PLCB1: variants seen among roughly 807,000 people sequenced by gnomAD.
The protein encoded by PLCB1 is phospholipase C beta 1.
Under a neutral mutation model 161.8 loss-of-function variants are expected in PLCB1, and 46 were observed. The observed-to-expected ratio is 0.28, with a 90% confidence interval of 0.22 to 0.36. The LOEUF (loss-of-function observed/expected upper bound fraction) is 0.36. PLCB1 is among the 10% of genes least tolerant of loss of function. PLCB1 has a pLI of 1.00. For synonymous variants in PLCB1, 517 were observed against 503.7 expected (o/e 1.03, Z -0.35); for missense variants, 1,016 against 1,472.5 (o/e 0.69, Z 5.07).
rs1222471825 is a variant in PLCB1 at position 8,839,391 on chromosome 20, C to T, written c.3424-42231C>T. 2.0e-5 allele frequency among the ~76,000 whole-genome samples: 3 copies of T among 152,160 alleles called. No individual in the cohort carries two copies. The East Asian group carries it at 5.8e-4, about 29-fold the overall frequency. Reference sequence around the variant, plus strand: ...CTCATTTATTTAGTGACCCAAGAAGCTGCTAGTTTTGAGTGGATCCCAGAA... The same window carrying T: ...CTCATTTATTTAGTGACCCAAGAAGTTGCTAGTTTTGAGTGGATCCCAGAA... On this transcript the variant is annotated intron_variant, in intron 31 of 31. Coordinates refer to ENST00000338037, the MANE Select transcript of PLCB1 (RefSeq NM_015192.4).
chr20:8,455,360 A>G lies in PLCB1; in HGVS notation c.246+83910A>G, dbSNP rs182739770. Among the ~76,000 whole-genome samples the G allele has an allele frequency of 2.0e-5, 3 of 150,570 alleles. No individual in the cohort carries two copies. In the East Asian group the frequency reaches 5.8e-4, roughly 29 times the overall value. On this transcript the variant is annotated intron_variant, in intron 3 of 31. Coordinates refer to ENST00000338037, the MANE Select transcript of PLCB1 (RefSeq NM_015192.4). ...AAAAAAAAAATACTGGTCAATTGGA[A>G]GTATCTGGAAGGTAATTGCTATACC...
chr20:8,646,212 G>A (rs41275582), intron 5 of PLCB1, 31 bp downstream of exon 5: 90 of 1,411,166 alleles, frequency 6.4e-5, no homozygotes, highest in Non-Finnish European at 8.2e-5. Context: ...TGCTAAGGGC[G>A]TTGCTTCTTC....
intron 2 of PLCB1, among the ~76,000 whole-genome samples, chr20:8,355,758 T>C (rs1986344357): frequency 6.6e-6 from 1 of 152,174 alleles, no homozygotes; most frequent in South Asian, 2.1e-4. Context: ...AGCACCATTA[T>C]AGTAAGGACT....
At chr20:8,374,958 G>T (rs897043924) in intron 3 of PLCB1, among the ~76,000 whole-genome samples, 1 of 151,966 alleles carries the variant, frequency 6.6e-6, no homozygotes, top group East Asian at 1.9e-4. Flanking sequence ...TGTTTTTTGT[G>T]CCTGCTGTGA....
chr20:8,725,087 A>T (rs1014232335), intron 16 of PLCB1, among the ~76,000 whole-genome samples: 1 of 152,174 alleles, frequency 6.6e-6, no homozygotes, highest in Non-Finnish European at 1.5e-5. Context: ...ACACACAGTG[A>T]GATCCATCTG....
chr20:8,810,492 C>T (rs777401993), intron 31 of PLCB1, among the ~76,000 whole-genome samples: 3 of 152,178 alleles, frequency 2.0e-5, no homozygotes, highest in South Asian at 4.1e-4. Flanking sequence ...TTCGCCCTTT[C>T]TCCAAGGGAA....
intron 3 of PLCB1, among the ~76,000 whole-genome samples, chr20:8,568,801 C>T (rs1986417890): frequency 6.6e-6 from 1 of 152,074 alleles, no homozygotes; most frequent in South Asian, 2.1e-4. Context: ...GACTGAGAGA[C>T]ACTTTTGGGT....
chr20:8,662,569 ATAT>A (rs985941407), intron 9 of PLCB1, among the ~76,000 whole-genome samples: 16 of 145,408 alleles, frequency 1.1e-4, no homozygotes, highest in African/African-American at 1.7e-4. Flanking sequence ...ATTACAATAT[ATAT>A]TATTAACATA....
chr20:8,637,558 A>T (rs1988801764), intron 4 of PLCB1, among the ~76,000 whole-genome samples: 2 of 152,362 alleles, frequency 1.3e-5, no homozygotes, highest in Admixed American at 6.5e-5. Flanking sequence ...AAGTTAAAGT[A>T]GAAGGGTGGG....
intron 3 of PLCB1, among the ~76,000 whole-genome samples, chr20:8,616,021 C>T (rs1393291707): frequency 1.3e-5 from 2 of 152,154 alleles, no homozygotes; most frequent in East Asian, 1.9e-4. Flanking sequence ...AGTTCAGAAA[C>T]CGAGGGTTGT....
At chr20:8,728,609 C>A (rs574081895) in intron 17 of PLCB1, among the ~76,000 whole-genome samples, 12 of 151,998 alleles carry the variant, frequency 7.9e-5, no homozygotes, top group Non-Finnish European at 1.6e-4. Context: ...CAATATCATT[C>A]TTTCAAATGA....
At chr20:8,576,972 G>A (rs1234428774) in intron 3 of PLCB1, among the ~76,000 whole-genome samples, 1 of 152,088 alleles carries the variant, frequency 6.6e-6, no homozygotes, top group African/African-American at 2.4e-5. Flanking sequence ...TAATATTAGA[G>A]AGCTGACCTT....
intron 2 of PLCB1, among the ~76,000 whole-genome samples, chr20:8,247,442 T>C (rs76320643): frequency 0.023 from 3,552 of 152,038 alleles, 149 homozygotes; most frequent in African/African-American, 0.08. Context: ...TTTTAAATGG[T>C]TAAATGAAGG....
intron 3 of PLCB1, among the ~76,000 whole-genome samples, chr20:8,436,284 C>T (rs991718645): frequency 1.7e-4 from 26 of 149,142 alleles, no homozygotes; most frequent in African/African-American, 5.7e-4. Context: ...GCACTGAGAT[C>T]GCGCCACCGA....
chr20:8,479,755 C>A (rs778248200), intron 3 of PLCB1, among the ~76,000 whole-genome samples: 8 of 152,192 alleles, frequency 5.3e-5, no homozygotes, highest in Non-Finnish European at 8.8e-5. Flanking sequence ...TTTACATGTG[C>A]TTGTGTGGTA....
chr20:8,567,589 T>A (rs1986377919), intron 3 of PLCB1, among the ~76,000 whole-genome samples: 1 of 152,114 alleles, frequency 6.6e-6, no homozygotes, highest in South Asian at 2.1e-4. Flanking sequence ...AAAACCAATG[T>A]CACTGGCATG....
intron 3 of PLCB1, among the ~76,000 whole-genome samples, chr20:8,538,203 T>C (rs1985131646): frequency 1.3e-5 from 2 of 152,074 alleles, no homozygotes; most frequent in South Asian, 2.1e-4. Context: ...AATATTCACA[T>C]ATCTTATGAA....
At chr20:8,326,174 A>G (rs1449772174) in intron 2 of PLCB1, among the ~76,000 whole-genome samples, 1 of 152,232 alleles carries the variant, frequency 6.6e-6, no homozygotes, top group Non-Finnish European at 1.5e-5. Flanking sequence ...CTAACTTCAG[A>G]AAGAGTCCTA....
intron 23 of PLCB1, among the ~76,000 whole-genome samples, chr20:8,746,219 A>C (rs1176953909): frequency 1.3e-5 from 2 of 152,238 alleles, no homozygotes; most frequent in Non-Finnish European, 2.9e-5. Context: ...GGTATGAGCC[A>C]CTGTGTCTGG....
Sources: allele counts gnomAD v4.1 joint callset (sites outside exome capture counted in the v4.1 genomes callset), GRCh38; gene constraint gnomAD v4.1.1; transcripts MANE v1.5; gene names NCBI Gene and HGNC (gene_info 2026-07-23, HGNC 2026-07-21).